Variants in NFIA observed in about 807,000 individuals in gnomAD.
NFIA encodes nuclear factor 1 A-type.
In NFIA, 8 loss-of-function variants were observed where a neutral mutation model predicts 62.8. The ratio of observed to expected loss-of-function variants is 0.13; its 90% CI spans 0.07 to 0.23. The LOEUF (loss-of-function observed/expected upper bound fraction) is 0.23. NFIA is among the 10% of genes least tolerant of loss of function. NFIA has a pLI of 1.00. For synonymous variants in NFIA, 235 were observed against 238.1 expected, an observed-to-expected ratio of 0.99 and a Z score of 0.12; for missense variants, 410 against 642.1, an observed-to-expected ratio of 0.64 and a Z score of 3.91.
chr1:61,359,294 G>A lies in NFIA; in HGVS notation c.946+20G>A, dbSNP rs1379070168. 15 of 1,612,016 alleles carry A rather than the reference G, an allele frequency of 9.3e-6. No individual in the cohort carries two copies. The highest frequency in any genetic ancestry group is 2.2e-4 in the Middle Eastern group (1 of 4,488). Reference sequence around the variant, plus strand: ...AGCCAGGTAAGCAGAGTGGCGGCACGGGCATGTGGCTAACACTGTGAAACT... The same window carrying A: ...AGCCAGGTAAGCAGAGTGGCGGCACAGGCATGTGGCTAACACTGTGAAACT... On this transcript the variant is annotated intron_variant, in intron 6 of 10. Transcript: ENST00000403491.
chr1:61,107,229 T>G (rs1245156731), intron 2 of NFIA, among the ~76,000 whole-genome samples: 1 of 151,606 alleles, frequency 6.6e-6, no homozygotes, highest in Non-Finnish European at 1.5e-5. Context: ...GTTTTTTTTT[T>G]TAAGAAAAGA....
At chr1:61,364,802 C>T (rs1047922785) in intron 6 of NFIA, among the ~76,000 whole-genome samples, 4 of 152,106 alleles carry the variant, frequency 2.6e-5, no homozygotes, top group Non-Finnish European at 5.9e-5. Flanking sequence ...TTCAGATTTC[C>T]ATACCAAATG....
intron 1 of NFIA, among the ~76,000 whole-genome samples, chr1:61,087,539 A>G (rs1332816183): frequency 2.0e-5 from 3 of 152,204 alleles, no homozygotes; most frequent in Admixed American, 2.0e-4. Flanking sequence ...AAAAAATTAT[A>G]TGTAGTTATA....
rs139045344 is a variant in NFIA at position 61,355,566 on chromosome 1, A to T, written c.818+2999A>T. Among the ~76,000 whole-genome samples the T allele has an allele frequency of 2.1e-3, 324 of 151,042 alleles. 1 individual carries two copies. The highest frequency in any genetic ancestry group is 7.7e-3 in the African/African-American group (315 of 41,046). ...CATTCCTGATCTTTTTATCTTTTCC[A>T]TGCTCCCTCCAGATGTTAATTTTTT... is the stretch of plus-strand genomic sequence containing the variant. On this transcript the variant is annotated intron_variant, in intron 5 of 10. Coordinates refer to ENST00000403491, the MANE Select transcript of NFIA (RefSeq NM_001134673.4).
chr1:61,350,692 A>G (rs1299514986), intron 4 of NFIA, among the ~76,000 whole-genome samples: 1 of 152,132 alleles, frequency 6.6e-6, no homozygotes, highest in African/African-American at 2.4e-5. Context: ...CACCTTAACC[A>G]TCCTTCCTCT....
In NFIA at chr1:61,197,978, CAAGAAAGAAAGAAAGAGAGAAAG is replaced by C. The variant is rs924485678; in HGVS notation, c.560-79523_560-79501del. 9.9e-5 allele frequency among the ~76,000 whole-genome samples: 15 copies of C among 151,208 alleles called. No individual in the cohort carries two copies. The South Asian group carries it at 3.0e-3, about 30-fold the overall frequency. On this transcript the variant is annotated intron_variant, in intron 2 of 10. Transcript: ENST00000403491. ...CCTGGGTGACAAGAATGAAACTATG[CAAGAAAGAAAGAAAGAGAGAAAG>C]AAGAAAGAAAGAAAGAGAAAGAACG...
At chr1:61,320,917 A>G (rs1260416143) in intron 3 of NFIA, among the ~76,000 whole-genome samples, 3 of 152,110 alleles carry the variant, frequency 2.0e-5, no homozygotes, top group Non-Finnish European at 4.4e-5. Flanking sequence ...TTTCCCTAGT[A>G]TATGTAAAAG....
intron 7 of NFIA, among the ~76,000 whole-genome samples, chr1:61,387,353 G>T (rs563028389): frequency 6.6e-6 from 1 of 152,222 alleles, no homozygotes; most frequent in South Asian, 2.1e-4. Context: ...CAGTATGCAC[G>T]TGGGTCATAC....
chr1:61,143,431 C>A (rs1475517346), intron 2 of NFIA, among the ~76,000 whole-genome samples: 1 of 152,052 alleles, frequency 6.6e-6, no homozygotes, highest in Non-Finnish European at 1.5e-5. Context: ...ACTCTGTCAC[C>A]CAGGCTGGAG....
In NFIA at chr1:61,337,058, A is replaced by T. The variant is rs909752659; in HGVS notation, c.700+4472A>T. ...GCTATTTCAGTATTTCCTCATGTGG[A>T]TTCACTGAAATAACTATGTCCTAAG... On this transcript the variant is annotated intron_variant, in intron 4 of 10. Transcript: ENST00000403491. Among the ~76,000 whole-genome samples, 5 of 152,152 alleles carry T rather than the reference A, an allele frequency of 3.3e-5. No homozygotes were observed. In the East Asian group the frequency reaches 9.6e-4, roughly 29 times the overall value.
At chr1:61,084,440 T>G (rs1433228910) in intron 1 of NFIA, among the ~76,000 whole-genome samples, 1 of 151,936 alleles carries the variant, frequency 6.6e-6, no homozygotes, top group Non-Finnish European at 1.5e-5. Flanking sequence ...TTTTTTTTCC[T>G]AACAAACTTC....
intron 9 of NFIA, among the ~76,000 whole-genome samples, chr1:61,407,131 T>G (rs1665880191): frequency 6.6e-6 from 1 of 152,154 alleles, no homozygotes; most frequent in Non-Finnish European, 1.5e-5. Context: ...GAAATGCACT[T>G]GAAAGTTATA....
At position 61,349,641 on chromosome 1, in the gene NFIA, C is replaced by T. The variant is rs533679447; in HGVS notation, c.701-2809C>T. The stretch of plus-strand genomic sequence containing the variant: ...CAGGCTGGAGTTGTAGTGACATGAT[C>T]ATAGTTAACTGCAGCCTCAAACTCC... On this transcript the variant is annotated intron_variant, in intron 4 of 10. Transcript: ENST00000403491. 9.9e-5 allele frequency among the ~76,000 whole-genome samples: 15 copies of T among 152,232 alleles called. No homozygotes were observed. In the South Asian group the frequency reaches 2.9e-3, roughly 30 times the overall value.
At position 61,459,069 on chromosome 1, in the gene NFIA, T is replaced by C. The variant is rs1235823512; in HGVS notation, c.*3749T>C. The C allele has an allele frequency of 1.3e-5, 2 of 152,206 alleles. No homozygotes were observed. Among genetic ancestry groups the C allele is most frequent in the African/African-American group, 4.8e-5 (2 of 41,454 alleles). The allele number at this position is 152,206 out of a possible 1,614,324, so 9.4% of individuals were successfully genotyped here. A position where few individuals can be genotyped will look rare whatever the true frequency, so the allele number is the denominator to read the frequency against. ...AGAAACACCAACAGTTGCCAGTGTT[T>C]TTGCTTTTTAGCTTAAAAGCATAGT... is the stretch of plus-strand genomic sequence containing the variant. On this transcript the variant is annotated 3_prime_UTR_variant, in exon 11 of 11. Coordinates refer to ENST00000403491, the MANE Select transcript of NFIA (RefSeq NM_001134673.4).
chr1:61,112,124 ATT>A lies in NFIA; in HGVS notation c.559+23455_559+23456del, dbSNP rs36050665. On this transcript the variant is annotated intron_variant, in intron 2 of 10. Coordinates refer to ENST00000403491, the MANE Select transcript of NFIA (RefSeq NM_001134673.4). Reference sequence around the variant, plus strand: ...AATCCTATTTGTCCAAAATAGAAAGATTTTTTTTTTTTAAAAAAAAACTATGC... The same window carrying A: ...AATCCTATTTGTCCAAAATAGAAAGATTTTTTTTTTAAAAAAAAACTATGC... Among the ~76,000 whole-genome samples the A allele has an allele frequency of 2.9e-3, 441 of 150,134 alleles. 4 individuals carry two copies. Among genetic ancestry groups the A allele is most frequent in the African/African-American group, 7.1e-3 (291 of 41,128 alleles).
chr1:61,322,704 T>C (rs929880515), intron 3 of NFIA, among the ~76,000 whole-genome samples: 1 of 151,638 alleles, frequency 6.6e-6, no homozygotes, highest in African/African-American at 2.4e-5. Context: ...GATATTGCAG[T>C]AGTCTTTATT....
intron 10 of NFIA, among the ~76,000 whole-genome samples, chr1:61,438,131 G>A (rs1667415368): frequency 6.6e-6 from 1 of 152,088 alleles, no homozygotes; most frequent in East Asian, 1.9e-4. Flanking sequence ...TAATGTAGTG[G>A]AAAAAATAGA....
intron 2 of NFIA, among the ~76,000 whole-genome samples, chr1:61,217,471 A>G (rs1653706788): frequency 6.6e-6 from 1 of 152,184 alleles, no homozygotes; most frequent in African/African-American, 2.4e-5. Flanking sequence ...TGGTTAGAAT[A>G]GTTGATCTAT....
chr1:61,144,160 G>C (rs1305672369), intron 2 of NFIA, among the ~76,000 whole-genome samples: 8 of 152,208 alleles, frequency 5.3e-5, no homozygotes, highest in Non-Finnish European at 8.8e-5. Flanking sequence ...GTTCTCAAAA[G>C]TGTAGTTCCT....
Sources: allele counts gnomAD v4.1 joint callset (sites outside exome capture counted in the v4.1 genomes callset), GRCh38; gene constraint gnomAD v4.1.1; transcripts MANE v1.5; gene names NCBI Gene and HGNC (gene_info 2026-07-23, HGNC 2026-07-21).